Variants in FAM227B observed in about 807,000 individuals in gnomAD.
The protein encoded by FAM227B is family with sequence similarity 227 member B, also known as protein FAM227B.
Under a neutral mutation model 73.8 loss-of-function variants are expected in FAM227B, and 88 were observed. That is an observed-to-expected ratio of 1.19 (90% CI 1.00 to 1.42). The LOEUF (loss-of-function observed/expected upper bound fraction) is 1.42. Among genes scored for constraint, FAM227B ranks in the 40% most tolerant of loss-of-function variants. The pLI is 0.00. For synonymous variants in FAM227B, 210 were observed against 190.5 expected, an observed-to-expected ratio of 1.10 and a Z score of -0.84; for missense variants, 632 against 590.9, an observed-to-expected ratio of 1.07 and a Z score of -0.72.
At chr15:49,527,970 C>T (rs922547731) in intron 10 of FAM227B, among the ~76,000 whole-genome samples, 2 of 151,704 alleles carry the variant, frequency 1.3e-5, no homozygotes, top group South Asian at 4.1e-4. Flanking sequence ...TATCAAATTA[C>T]TAATGTCTTT....
chr15:49,433,232 C>A (rs2050772841), intron 11 of FAM227B, among the ~76,000 whole-genome samples: 1 of 151,632 alleles, frequency 6.6e-6, no homozygotes, highest in African/African-American at 2.4e-5. Flanking sequence ...TGCTTTTCTA[C>A]CTGTGTACAG....
intron 3 of FAM227B, among the ~76,000 whole-genome samples, chr15:49,602,070 A>G (rs2077239747): frequency 6.6e-6 from 1 of 152,148 alleles, no homozygotes; most frequent in South Asian, 2.1e-4. Context: ...TTGCTTCCTA[A>G]TCTTAGCTAT....
chr15:49,424,787 G>C (rs1213146229), intron 11 of FAM227B: 2 of 402,318 alleles, frequency 5.0e-6, no homozygotes, highest in Non-Finnish European at 8.8e-6. Flanking sequence ...ATTATAGTTG[G>C]ACCTGATAAT....
intron 11 of FAM227B, among the ~76,000 whole-genome samples, chr15:49,402,313 T>C (rs1451359567): frequency 6.6e-6 from 1 of 152,114 alleles, no homozygotes; most frequent in Non-Finnish European, 1.5e-5. Context: ...TTAGGAAAAG[T>C]TTTTCCTAAT....
intron 10 of FAM227B, among the ~76,000 whole-genome samples, chr15:49,527,139 A>G (rs545119330): frequency 8.3e-4 from 127 of 152,126 alleles, no homozygotes; most frequent in African/African-American, 2.8e-3. Flanking sequence ...AATTTTCAAA[A>G]AAACAACCAG....
At chr15:49,374,536 G>A (rs1358682989) in intron 11 of FAM227B, among the ~76,000 whole-genome samples, 1 of 152,206 alleles carries the variant, frequency 6.6e-6, no homozygotes, top group Non-Finnish European at 1.5e-5. Context: ...AAAATGATGA[G>A]TATTTCAAAT....
At chr15:49,523,237 C>T (rs2059913769) in intron 10 of FAM227B, among the ~76,000 whole-genome samples, 1 of 152,112 alleles carries the variant, frequency 6.6e-6, no homozygotes. Flanking sequence ...GTGTCCCCAC[C>T]CAAATCTCAT....
intron 13 of FAM227B, among the ~76,000 whole-genome samples, chr15:49,347,379 G>A (rs182818378): frequency 4.6e-5 from 7 of 152,232 alleles, no homozygotes; most frequent in Non-Finnish European, 8.8e-5. Flanking sequence ...TGCTTTTAGT[G>A]CAGGGTTGTT....
In FAM227B at chr15:49,328,133, G is replaced by A; in HGVS notation, c.*435C>T. 6.2e-7 allele frequency: 1 copy of A among 1,614,010 alleles called. No individual in the cohort carries two copies. The highest frequency in any genetic ancestry group is 8.5e-7 in the Non-Finnish European group (1 of 1,179,976). ...TTTGTTTGCTACCAAACCTGGAGGT[G>A]GGGCTTTGGTTTTGCTTGAGGCCTG... On this transcript the variant is annotated 3_prime_UTR_variant, in exon 16 of 16. Transcript: ENST00000299338.
At chr15:49,489,240 G>A in intron 11 of FAM227B, 1 of 985,034 alleles carries the variant, frequency 1.0e-6, no homozygotes, top group Non-Finnish European at 1.2e-6. Flanking sequence ...TGTTTTTAAT[G>A]TCACTGCCAT....
chr15:49,404,654 T>C (rs990988163), intron 11 of FAM227B, among the ~76,000 whole-genome samples: 3 of 152,156 alleles, frequency 2.0e-5, no homozygotes, highest in African/African-American at 7.2e-5. Flanking sequence ...ACTATGGGTG[T>C]CATTGCATGT....
chr15:49,479,451 G>A (rs28408092), intron 11 of FAM227B, among the ~76,000 whole-genome samples: 27,898 of 151,958 alleles, frequency 0.18, 3,173 homozygotes, highest in Non-Finnish European at 0.25. Context: ...GTGAGGCAAC[G>A]GATACACTGT....
chr15:49,430,152 AATGTACGTG>A (rs2050469773), intron 11 of FAM227B, among the ~76,000 whole-genome samples: 1 of 151,866 alleles, frequency 6.6e-6, no homozygotes, highest in Non-Finnish European at 1.5e-5. Flanking sequence ...CTGGCCTGGA[AATGTACGTG>A]ATGATAGCTC....
At chr15:49,485,545 G>T (rs1296904798) in intron 11 of FAM227B, 1 of 152,140 alleles carries the variant, frequency 6.6e-6, no homozygotes, top group African/African-American at 2.4e-5. Flanking sequence ...AAACTGTCTG[G>T]CTCAACGGCA....
intron 11 of FAM227B, among the ~76,000 whole-genome samples, chr15:49,459,879 G>C (rs2053639522): frequency 6.6e-6 from 1 of 152,114 alleles, no homozygotes; most frequent in Non-Finnish European, 1.5e-5. Flanking sequence ...AACTGGCCAT[G>C]GTGGAGGTAT....
chr15:49,396,242 AC>A (rs2047606748), intron 11 of FAM227B: 1 of 371,280 alleles, frequency 2.7e-6, no homozygotes, highest in African/African-American at 2.2e-5. Context: ...GACGGACGGC[AC>A]CTGGAAAATC....
At chr15:49,617,733 G>C (rs915488224) in intron 1 of FAM227B, among the ~76,000 whole-genome samples, 1 of 151,952 alleles carries the variant, frequency 6.6e-6, no homozygotes, top group African/African-American at 2.4e-5. Context: ...TCTAGAGGTC[G>C]GGAATCTGAA....
intron 13 of FAM227B, among the ~76,000 whole-genome samples, chr15:49,351,705 A>G (rs2042271413): frequency 6.6e-6 from 1 of 152,164 alleles, no homozygotes; most frequent in Non-Finnish European, 1.5e-5. Context: ...AACATTGGAC[A>G]GACAGAAAAG....
chr15:49,357,808 C>A (rs891299826), intron 13 of FAM227B, among the ~76,000 whole-genome samples: 2 of 152,210 alleles, frequency 1.3e-5, no homozygotes, highest in East Asian at 1.9e-4. Context: ...AGACCAATAT[C>A]CTTGATGAAC....
Sources: allele counts gnomAD v4.1 joint callset (sites outside exome capture counted in the v4.1 genomes callset), GRCh38; gene constraint gnomAD v4.1.1; transcripts MANE v1.5; gene names NCBI Gene and HGNC (gene_info 2026-07-23, HGNC 2026-07-21).